The following STXBP5L variants were observed in gnomAD, a reference collection of about 807,000 sequenced individuals.
The protein encoded by STXBP5L is syntaxin-binding protein 5-like.
Under a neutral mutation model 144.5 loss-of-function variants are expected in STXBP5L, and 65 were observed. The ratio of observed to expected loss-of-function variants is 0.45; its 90% CI spans 0.37 to 0.55. STXBP5L has a LOEUF of 0.55. STXBP5L is among the 20% of genes least tolerant of loss of function. The probability of loss-of-function intolerance (pLI) is 0.00; values close to 1 mark genes in which losing one functional copy is unlikely to be tolerated. For missense variants in STXBP5L, 1,298 were observed against 1,405.5 expected, an observed-to-expected ratio of 0.92 and a Z score of 1.22; for synonymous variants, 505 against 469.6, an observed-to-expected ratio of 1.08 and a Z score of -0.97.
At chr3:120,984,594 G>A (rs895017647) in intron 3 of STXBP5L, among the ~76,000 whole-genome samples, 5 of 116,276 alleles carry the variant, frequency 4.3e-5, no homozygotes, top group Non-Finnish European at 8.8e-5. Flanking sequence ...TACTTACTTC[G>A]TTCTTTCCAA....
At chr3:121,060,104 G>T in intron 5 of STXBP5L, among the ~76,000 whole-genome samples, 1 of 152,116 alleles carries the variant, frequency 6.6e-6, no homozygotes, top group Non-Finnish European at 1.5e-5. Context: ...TATTGGCTGT[G>T]GGTTTGTCAT....
At chr3:120,983,342 A>T (rs1002383105) in intron 3 of STXBP5L, among the ~76,000 whole-genome samples, 1 of 152,124 alleles carries the variant, frequency 6.6e-6, no homozygotes, top group East Asian at 1.9e-4. Context: ...AGCAAAGTCA[A>T]GCAGTTATGG....
chr3:121,364,044 A>T (rs1322476659), intron 20 of STXBP5L, among the ~76,000 whole-genome samples: 2 of 152,050 alleles, frequency 1.3e-5, no homozygotes, highest in Admixed American at 6.6e-5. Flanking sequence ...ATGTTTATGA[A>T]GTCCAGTTGT....
chr3:121,279,951 T>C lies in STXBP5L; in HGVS notation c.2105T>C (p.Ile702Thr). The change falls in exon 19 of 27, where the codon ATT becomes ACT. Residue 702 changes from isoleucine (I) to threonine (T), a missense_variant. Coordinates refer to ENST00000471454, the MANE Select transcript of STXBP5L (RefSeq NM_001308330.2). Reference sequence around the variant, plus strand: ...TCTCCTCGAAAAAACAAACAGTTCATTGCAGGTAGGAGATAAAACAAGATG... The same window carrying C: ...TCTCCTCGAAAAAACAAACAGTTCACTGCAGGTAGGAGATAAAACAAGATG... The part of the protein sequence containing the change: ...PRSPRKNKQF[I>T]AGLTELNDSP... 1 of 1,611,502 alleles carries C rather than the reference T, an allele frequency of 6.2e-7. No individual in the cohort carries two copies. Among genetic ancestry groups the C allele is most frequent in the South Asian group, 1.1e-5 (1 of 90,814 alleles).
At chr3:121,279,374 A>G (rs1373870596) in intron 18 of STXBP5L, among the ~76,000 whole-genome samples, 1 of 151,900 alleles carries the variant, frequency 6.6e-6, no homozygotes, top group Non-Finnish European at 1.5e-5. Context: ...CTTTCAGAAG[A>G]TAATTAATTT....
chr3:121,097,220 T>C (rs2043175147), intron 5 of STXBP5L, among the ~76,000 whole-genome samples: 1 of 152,092 alleles, frequency 6.6e-6, no homozygotes. Flanking sequence ...CTGACTGCTG[T>C]TGTGTTGGCA....
At chr3:121,099,304 C>T (rs938781604) in intron 5 of STXBP5L, 3 of 152,294 alleles carry the variant, frequency 2.0e-5, no homozygotes, top group Non-Finnish European at 4.4e-5. Context: ...TCAGAGATAC[C>T]TCTGCAGATA....
At chr3:120,959,646 G>A (rs12495212) in intron 3 of STXBP5L, among the ~76,000 whole-genome samples, 15,127 of 152,130 alleles carry the variant, frequency 0.099, 1,187 homozygotes, top group Admixed American at 0.2. Flanking sequence ...AAACAAGAAA[G>A]GGGGAAAGGA....
intron 3 of STXBP5L, among the ~76,000 whole-genome samples, chr3:120,996,229 A>G (rs981335572): frequency 2.0e-5 from 3 of 151,884 alleles, no homozygotes; most frequent in Middle Eastern, 3.2e-3. Context: ...CTTGGCATGC[A>G]TATCTCTGGG....
At chr3:120,962,590 T>C (rs1044775022) in intron 3 of STXBP5L, among the ~76,000 whole-genome samples, 1 of 152,174 alleles carries the variant, frequency 6.6e-6, no homozygotes, top group South Asian at 2.1e-4. Context: ...TGGTTGTAGA[T>C]GTGTGGCATT....
At chr3:121,223,719 G>A (rs540786543) in intron 11 of STXBP5L, among the ~76,000 whole-genome samples, 48 of 152,148 alleles carry the variant, frequency 3.2e-4, no homozygotes, top group African/African-American at 1.1e-3. Context: ...TTATTATACT[G>A]AATATAAAGA....
chr3:121,185,657 A>C (rs901932768), intron 9 of STXBP5L, among the ~76,000 whole-genome samples: 2 of 152,080 alleles, frequency 1.3e-5, no homozygotes, highest in Non-Finnish European at 2.9e-5. Flanking sequence ...ATTGGTGTAT[A>C]TCTCTGTTTT....
At position 121,419,318 on chromosome 3, in the gene STXBP5L, C is replaced by G; in HGVS notation, c.*221C>G. 1 of 451,796 alleles carries G rather than the reference C, an allele frequency of 2.2e-6. No homozygotes were observed. The highest frequency in any genetic ancestry group is 3.9e-6 in the Non-Finnish European group (1 of 258,278). 28.0% of individuals were successfully genotyped at this position (451,796 alleles called of 1,614,324 possible). A position where few individuals can be genotyped will look rare whatever the true frequency, so the allele number is the denominator to read the frequency against. On this transcript the variant is annotated 3_prime_UTR_variant, in exon 27 of 27. Transcript: ENST00000471454. ...AAATACGGCTGAATTTGCCTTTTCC[C>G]ATGTGGAATGGAGCTATCATCTTGG...
At chr3:121,172,401 C>A (rs561514278) in intron 9 of STXBP5L, among the ~76,000 whole-genome samples, 1 of 152,134 alleles carries the variant, frequency 6.6e-6, no homozygotes, top group Non-Finnish European at 1.5e-5. Context: ...GACAGGCAAC[C>A]TACAGAATGG....
chr3:121,239,138 A>G lies in STXBP5L; in HGVS notation c.1332+20A>G. Reference sequence around the variant, plus strand: ...AATAAGGTAAAAGTAGAAATTATAAATAACTTTTTTTGTATTCATATCACA... The same window carrying G: ...AATAAGGTAAAAGTAGAAATTATAAGTAACTTTTTTTGTATTCATATCACA... On this transcript the variant is annotated intron_variant, in intron 13 of 26. Coordinates refer to ENST00000471454, the MANE Select transcript of STXBP5L (RefSeq NM_001308330.2). The G allele has an allele frequency of 7.0e-7, 1 of 1,432,910 alleles. No individual in the cohort carries two copies. The highest frequency in any genetic ancestry group is 9.4e-7 in the Non-Finnish European group (1 of 1,060,726). The allele number at this position is 1,432,910 out of a possible 1,614,324, so 88.8% of individuals were successfully genotyped here. A position where few individuals can be genotyped will look rare whatever the true frequency, so the allele number is the denominator to read the frequency against.
chr3:120,961,291 A>G (rs1017755401), intron 3 of STXBP5L, among the ~76,000 whole-genome samples: 11 of 134,318 alleles, frequency 8.2e-5, no homozygotes, highest in Non-Finnish European at 1.6e-4. Context: ...TTTTTTAATT[A>G]TACTTTAAGT....
At chr3:121,024,578 C>T (rs891365434) in intron 3 of STXBP5L, among the ~76,000 whole-genome samples, 1 of 152,118 alleles carries the variant, frequency 6.6e-6, no homozygotes, top group Non-Finnish European at 1.5e-5. Context: ...TCTTGGGTTT[C>T]CACTTCTTTT....
chr3:121,155,533 A>G (rs529175448), intron 8 of STXBP5L, among the ~76,000 whole-genome samples: 84 of 151,992 alleles, frequency 5.5e-4, no homozygotes, highest in Middle Eastern at 3.4e-3. Context: ...AAAACTAGCT[A>G]GTATTTTATG....
intron 2 of STXBP5L, among the ~76,000 whole-genome samples, chr3:120,918,163 T>C (rs1353035485): frequency 6.6e-6 from 1 of 152,212 alleles, no homozygotes; most frequent in Admixed American, 6.5e-5. Flanking sequence ...CCACCCTGAC[T>C]TTCCTGCCTC....
Sources: gnomAD v4.1 joint callset for allele counts (sites outside exome capture counted in the v4.1 genomes callset) on GRCh38, gnomAD v4.1.1 for gene constraint, MANE v1.5 for transcripts, NCBI Gene and HGNC (gene_info 2026-07-23, HGNC 2026-07-21) for gene names.